Variants in NKAIN2 observed in about 807,000 individuals in gnomAD.
NKAIN2 encodes the protein sodium/potassium-transporting ATPase subunit beta-1-interacting protein 2.
NKAIN2 carries 14 observed loss-of-function variants against 32.6 expected under a neutral mutation model. The observed-to-expected ratio is 0.43, with a 90% CI of 0.28 to 0.67. NKAIN2 has a LOEUF of 0.67. Among genes scored for constraint, NKAIN2 ranks in the 30% least tolerant of loss-of-function variants. NKAIN2 has a pLI of 0.17. For missense variants in NKAIN2, 198 were observed against 258.3 expected, an observed-to-expected ratio of 0.77 and a Z score of 1.60; for synonymous variants, 80 against 87.2, an observed-to-expected ratio of 0.92 and a Z score of 0.46.
At chr6:124,561,570 A>G (rs1296625475) in intron 3 of NKAIN2, among the ~76,000 whole-genome samples, 1 of 152,194 alleles carries the variant, frequency 6.6e-6, no homozygotes. Flanking sequence ...TAATGAGAGG[A>G]AGATCGCAGT....
intron 1 of NKAIN2, among the ~76,000 whole-genome samples, chr6:124,066,176 C>T (rs112182132): frequency 0.013 from 2,027 of 152,214 alleles, 33 homozygotes; most frequent in African/African-American, 0.039. Flanking sequence ...AAATATTTAC[C>T]TCATTGAGAA....
chr6:124,171,312 G>T (rs967306270), intron 1 of NKAIN2, among the ~76,000 whole-genome samples: 2 of 151,826 alleles, frequency 1.3e-5, no homozygotes, highest in Non-Finnish European at 2.9e-5. Context: ...AAAATTTTAG[G>T]ACCTAGAGAT....
chr6:124,025,289 G>T (rs6905913), intron 1 of NKAIN2, among the ~76,000 whole-genome samples: 27,593 of 152,046 alleles, frequency 0.18, 2,725 homozygotes, highest in African/African-American at 0.24. Flanking sequence ...CAAATAGTGT[G>T]TATTGCTGGT....
intron 3 of NKAIN2, among the ~76,000 whole-genome samples, chr6:124,443,020 G>T (rs1223644173): frequency 1.3e-5 from 2 of 152,076 alleles, no homozygotes; most frequent in African/African-American, 4.8e-5. Flanking sequence ...TATGGAACTT[G>T]CTATGCTCAG....
intron 2 of NKAIN2, among the ~76,000 whole-genome samples, chr6:124,326,628 G>A (rs746086290): frequency 1.4e-4 from 21 of 152,214 alleles, no homozygotes; most frequent in Middle Eastern, 3.4e-3. Flanking sequence ...CAGGGTTCTA[G>A]CTCTGCTCAT....
rs548748617 is a variant in NKAIN2 at position 124,451,143 on chromosome 6, T to C, written c.273+95796T>C. On this transcript the variant is annotated intron_variant, in intron 3 of 6. Transcript: ENST00000368417. ...CCCTCCACCTGAAATCACTTATCTATATTCATTGAAAGAAAAGCCAAGTGC... is the reference window on the plus strand; with the variant it reads ...CCCTCCACCTGAAATCACTTATCTACATTCATTGAAAGAAAAGCCAAGTGC... Among the ~76,000 whole-genome samples the C allele has an allele frequency of 5.1e-4, 78 of 152,256 alleles. 1 individual carries two copies. In the South Asian group the frequency reaches 0.016, roughly 31 times the overall value.
At chr6:124,708,054 A>C (rs201989143) in intron 4 of NKAIN2, among the ~76,000 whole-genome samples, 92,533 of 143,668 alleles carry the variant, frequency 0.64, 29,988 homozygotes, top group East Asian at 0.73. Context: ...TCAGCTTTCT[A>C]CATATGGCTA....
At chr6:123,929,082 A>G (rs1776137786) in intron 1 of NKAIN2, among the ~76,000 whole-genome samples, 1 of 152,150 alleles carries the variant, frequency 6.6e-6, no homozygotes, top group South Asian at 2.1e-4. Context: ...TGGGAGATGA[A>G]GGAAAGGGTA....
chr6:123,861,352 C>A (rs1254148578), intron 1 of NKAIN2, among the ~76,000 whole-genome samples: 1 of 152,146 alleles, frequency 6.6e-6, no homozygotes. Flanking sequence ...ATTATATTGT[C>A]TGTGTGTCCA....
chr6:124,205,362 T>TAA (rs57900235), intron 1 of NKAIN2, among the ~76,000 whole-genome samples: 5,690 of 95,346 alleles, frequency 0.06, 352 homozygotes, highest in African/African-American at 0.15. Flanking sequence ...TCTTAGGTGC[T>TAA]AAAAAAAAAT....
rs1737620314 is a variant in NKAIN2, at chr6:124,699,016, G to C, written c.474+40630G>C. On this transcript the variant is annotated intron_variant, in intron 4 of 6. Coordinates refer to ENST00000368417, the MANE Select transcript of NKAIN2 (RefSeq NM_001040214.3). Reference sequence around the variant, plus strand: ...CTTTTGGCAAATTATTTAACCTTTTGGTCCTTCAGCTTCCCTGTCTATAAA... The same window carrying C: ...CTTTTGGCAAATTATTTAACCTTTTCGTCCTTCAGCTTCCCTGTCTATAAA... Among the ~76,000 whole-genome samples, 3 of 152,174 alleles carry C rather than the reference G, an allele frequency of 2.0e-5. No homozygotes were observed. In the South Asian group the frequency reaches 6.2e-4, roughly 31 times the overall value.
At chr6:124,491,064 T>A (rs72971766) in intron 3 of NKAIN2, among the ~76,000 whole-genome samples, 112 of 152,176 alleles carry the variant, frequency 7.4e-4, no homozygotes, top group Middle Eastern at 6.8e-3. Context: ...AAATATTTCT[T>A]CAGATTAATA....
chr6:124,293,624 A>G (rs1795916398), intron 2 of NKAIN2, among the ~76,000 whole-genome samples: 1 of 152,090 alleles, frequency 6.6e-6, no homozygotes. Flanking sequence ...CACTTCTTGA[A>G]TGATTTTGGT....
chr6:124,302,393 C>T (rs1796325052), intron 2 of NKAIN2, among the ~76,000 whole-genome samples: 1 of 152,188 alleles, frequency 6.6e-6, no homozygotes, highest in Admixed American at 6.5e-5. Context: ...GAAAGTTTTC[C>T]TCCATGACAC....
chr6:123,962,308 G>C (rs529022715), intron 1 of NKAIN2, among the ~76,000 whole-genome samples: 34 of 152,246 alleles, frequency 2.2e-4, no homozygotes, highest in African/African-American at 8.2e-4. Context: ...TAGAATCAGT[G>C]TCTGAAGAAG....
At chr6:123,997,106 C>T (rs576487944) in intron 1 of NKAIN2, among the ~76,000 whole-genome samples, 1 of 152,170 alleles carries the variant, frequency 6.6e-6, no homozygotes, top group East Asian at 1.9e-4. Flanking sequence ...TTTTGTCAAC[C>T]ATGTCAGTAG....
intron 4 of NKAIN2, among the ~76,000 whole-genome samples, chr6:124,788,552 C>T (rs1779604644): frequency 6.6e-6 from 1 of 151,982 alleles, no homozygotes. Flanking sequence ...GAAGCAAAGA[C>T]CTTCTTCAGA....
chr6:124,798,059 TCTATTATC>T (rs1311537798), intron 5 of NKAIN2, among the ~76,000 whole-genome samples: 5 of 142,180 alleles, frequency 3.5e-5, no homozygotes, highest in African/African-American at 5.2e-5. Flanking sequence ...TTCTTATCTA[TCTATTATC>T]TATCTATCTA....
intron 1 of NKAIN2, among the ~76,000 whole-genome samples, chr6:124,209,243 T>C (rs1226706090): frequency 1.3e-5 from 2 of 151,860 alleles, no homozygotes; most frequent in Non-Finnish European, 2.9e-5. Context: ...CTGCCTGTCT[T>C]ATTTCACTTA....
Sources: gnomAD v4.1 joint callset for allele counts (sites outside exome capture counted in the v4.1 genomes callset) on GRCh38, gnomAD v4.1.1 for gene constraint, MANE v1.5 for transcripts, NCBI Gene and HGNC (gene_info 2026-07-23, HGNC 2026-07-21) for gene names.